The following GLI2 variants were observed in gnomAD, a reference collection of about 807,000 sequenced individuals.
The protein encoded by GLI2 is transcription activator GLI2.
A neutral mutation model predicts 78.9 loss-of-function variants in GLI2; 22 were observed. The ratio of observed to expected loss-of-function variants is 0.28; its 90% CI spans 0.20 to 0.40. The LOEUF is 0.40. Ranked by LOEUF, GLI2 falls within the 10% of genes least tolerant of loss-of-function variation. GLI2 has a pLI of 1.00. For missense variants in GLI2, 2,097 were observed against 2,213.2 expected (o/e 0.95, Z 1.05); for synonymous variants, 974 against 963.7 (o/e 1.01, Z -0.20).
intron 2 of GLI2, among the ~76,000 whole-genome samples, chr2:120,799,645 A>G (rs540168397): frequency 4.6e-5 from 7 of 152,320 alleles, no homozygotes; most frequent in African/African-American, 1.4e-4. Context: ...CCTGGGTCCC[A>G]GTTTTCCTAA....
At position 120,978,639 on chromosome 2, in the gene GLI2, G is replaced by A. The variant is rs1031839775; in HGVS notation, c.1467+56G>A. 25 of 1,587,290 alleles carry A rather than the reference G, an allele frequency of 1.6e-5. No individual in the cohort carries two copies. The Middle Eastern group carries it at 5.7e-4, about 36-fold the overall frequency. Reference sequence around the variant, plus strand: ...GCATCAAGACTGGCCTGTCAGCCAGGCCGGGGGGATCATGTTTGGAGGTGG... The same window carrying A: ...GCATCAAGACTGGCCTGTCAGCCAGACCGGGGGGATCATGTTTGGAGGTGG... On this transcript the variant is annotated intron_variant, in intron 10 of 13. Coordinates refer to ENST00000361492, the MANE Select transcript of GLI2 (RefSeq NM_001374353.1).
intron 1 of GLI2, 67 bp from the exon 2 acceptor site, chr2:120,797,224 T>C (rs569145171): frequency 1.6e-6 from 2 of 1,232,416 alleles, no homozygotes; most frequent in South Asian, 2.4e-5. Flanking sequence ...GCGGTGTGAA[T>C]CTGGGTCGGC....
rs57989930 is a variant in GLI2 at position 120,929,084 on chromosome 2, G to T, written c.254+1618G>T. ...ACCTTGGCAGTTTTAAAGAGTACTG[G>T]CCAGTTACTATATAAGATGTCTCTG... On this transcript the variant is annotated intron_variant, in intron 3 of 13. Coordinates refer to ENST00000361492, the MANE Select transcript of GLI2 (RefSeq NM_001374353.1). 7.9e-5 allele frequency among the ~76,000 whole-genome samples: 12 copies of T among 152,292 alleles called. No individual in the cohort carries two copies. In the East Asian group the frequency reaches 1.2e-3, roughly 15 times the overall value.
chr2:120,944,759 C>A (rs1477346924), intron 3 of GLI2, among the ~76,000 whole-genome samples: 1 of 152,218 alleles, frequency 6.6e-6, no homozygotes, highest in Non-Finnish European at 1.5e-5. Flanking sequence ...ACATGACTTC[C>A]TTGAGTCTCA....
chr2:120,868,412 C>A (rs1430008181), intron 2 of GLI2, among the ~76,000 whole-genome samples: 1 of 152,230 alleles, frequency 6.6e-6, no homozygotes, highest in Non-Finnish European at 1.5e-5. Context: ...TTCTTTGCAA[C>A]ATCTATCGAA....
intron 3 of GLI2, among the ~76,000 whole-genome samples, chr2:120,940,671 T>C (rs1295339698): frequency 6.6e-6 from 1 of 152,222 alleles, no homozygotes; most frequent in East Asian, 1.9e-4. Flanking sequence ...CAGTGTGAAC[T>C]ATGGGATTGA....
intron 2 of GLI2, among the ~76,000 whole-genome samples, chr2:120,902,417 G>A (rs1274245251): frequency 6.6e-6 from 1 of 152,182 alleles, no homozygotes; most frequent in Non-Finnish European, 1.5e-5. Context: ...CTCATCGGGT[G>A]TAGTGGGAGG....
In GLI2 at chr2:120,988,729, C is replaced by A. The variant is rs2105088105; in HGVS notation, c.2764C>A (p.Arg922Ser). 1.7e-6 allele frequency: 2 copies of A among 1,196,148 alleles called. No individual in the cohort carries two copies. Among genetic ancestry groups the A allele is most frequent in the East Asian group, 4.5e-5 (1 of 22,202 alleles). The allele number at this position is 1,196,148 out of a possible 1,614,324, so 74.1% of individuals were successfully genotyped here. A position where few individuals can be genotyped will look rare whatever the true frequency, so the allele number is the denominator to read the frequency against. ...CTGCCCACGCCCACTGGGGCCGCGG[C>A]GTGGCAGCGACGGGCCGACCTATGG... ...AGCPRPLGPR[R>S]GSDGPTYGHG... Residue 922 changes from arginine to serine, a missense_variant, in exon 14 of 14, where the codon CGT becomes AGT. Arg to Ser is a moderately radical substitution (Grantham distance 110). This residue lies in a region of GLI2 where 1,290 missense variants were observed against 1,261.7 expected (regional missense o/e 1.02). Coordinates refer to ENST00000361492, the MANE Select transcript of GLI2 (RefSeq NM_001374353.1).
rs569300720 is a variant in GLI2 at position 120,864,916 on chromosome 2, G to C, written c.149-62445G>C. Among the ~76,000 whole-genome samples, 373 of 152,306 alleles carry C rather than the reference G, an allele frequency of 2.4e-3. 4 individuals are homozygous for C. Among genetic ancestry groups the C allele is most frequent in the African/African-American group, 8.5e-3 (353 of 41,566 alleles). ...CAGGCTGCAGACACCTTGGGAAGGG[G>C]TCTCTCTGGAGATGGCCGTGGGGTC... is the stretch of plus-strand genomic sequence containing the variant. On this transcript the variant is annotated intron_variant, in intron 2 of 13. Coordinates refer to ENST00000361492, the MANE Select transcript of GLI2 (RefSeq NM_001374353.1).
chr2:120,963,135 G>C (rs572738758), intron 5 of GLI2, among the ~76,000 whole-genome samples: 1 of 152,178 alleles, frequency 6.6e-6, no homozygotes, highest in Non-Finnish European at 1.5e-5. Context: ...ATCTTTCCTA[G>C]ACTTGCTGCC....
intron 2 of GLI2, among the ~76,000 whole-genome samples, chr2:120,871,240 G>A (rs910665808): frequency 1.8e-4 from 27 of 152,244 alleles, no homozygotes; most frequent in African/African-American, 5.8e-4. Flanking sequence ...GTCCATAGGA[G>A]CCTCTTTATC....
chr2:120,988,864 G>A lies in GLI2; in HGVS notation c.2899G>A (p.Val967Met), dbSNP rs1283824297. Residue 967 changes from valine to methionine, a missense_variant, in exon 14 of 14, where the codon GTG becomes ATG. This residue lies in a region of GLI2 where 1,290 missense variants were observed against 1,261.7 expected (regional missense o/e 1.02). Transcript: ENST00000361492. The stretch of plus-strand genomic sequence containing the variant: ...GCCCGATGCCCTGTCCCTGCCGCGG[G>A]TGCAGCGCTTCCACAGCACCCACAA... ...RRPDALSLPR[V>M]QRFHSTHNVN... 1 of 1,497,084 alleles carries A rather than the reference G, an allele frequency of 6.7e-7. No homozygotes were observed. The highest frequency in any genetic ancestry group is 8.9e-7 in the Non-Finnish European group (1 of 1,125,528). 92.7% of individuals were successfully genotyped at this position (1,497,084 alleles called of 1,614,324 possible).
At chr2:120,987,991 T>C (rs189157037) in intron 13 of GLI2, among the ~76,000 whole-genome samples, 1 of 152,080 alleles carries the variant, frequency 6.6e-6, no homozygotes, top group East Asian at 1.9e-4. Context: ...TACTCCAGAG[T>C]CTGAGGAGGG....
chr2:120,886,369 G>A (rs927531280), intron 2 of GLI2, among the ~76,000 whole-genome samples: 1 of 152,062 alleles, frequency 6.6e-6, no homozygotes, highest in East Asian at 1.9e-4. Flanking sequence ...GGGCTTAAGC[G>A]ATTCTCCCAC....
At chr2:120,784,059 TG>T (rs1683923549) in intron 1 of GLI2, among the ~76,000 whole-genome samples, 1 of 152,164 alleles carries the variant, frequency 6.6e-6, no homozygotes, top group African/African-American at 2.4e-5. Context: ...TGGCAGCCAC[TG>T]GGGGACATGG....
At chr2:120,942,057 A>C (rs938765856) in intron 3 of GLI2, among the ~76,000 whole-genome samples, 2 of 152,192 alleles carry the variant, frequency 1.3e-5, no homozygotes, top group African/African-American at 4.8e-5. Flanking sequence ...AGCAATAAAT[A>C]GGAGCCCTGC....
chr2:120,773,926 CTT>C (rs1491482913), intron 1 of GLI2, among the ~76,000 whole-genome samples: 52 of 138,350 alleles, frequency 3.8e-4, no homozygotes, highest in African/African-American at 7.2e-4. Context: ...TCCTTCCTTC[CTT>C]CCTTCCCTCC....
rs570548458 is a variant in GLI2 at position 120,930,334 on chromosome 2, C to G, written c.254+2868C>G. 1.8e-4 allele frequency among the ~76,000 whole-genome samples: 27 copies of G among 152,352 alleles called. No individual in the cohort carries two copies. In the South Asian group the frequency reaches 3.7e-3, roughly 21 times the overall value. On this transcript the variant is annotated intron_variant, in intron 3 of 13. Transcript: ENST00000361492. ...TCTTCTCAACAACCCAAAAAAGAGT[C>G]ATTTTGTGTTTTTCCATTTTACAAA...
chr2:120,887,662 A>G (rs1573541760), intron 2 of GLI2, among the ~76,000 whole-genome samples: 1 of 152,248 alleles, frequency 6.6e-6, no homozygotes, highest in African/African-American at 2.4e-5. Flanking sequence ...CTTCTCCCAC[A>G]GAGGCCATTA....
Sources: allele counts gnomAD v4.1 joint callset (sites outside exome capture counted in the v4.1 genomes callset), GRCh38; gene constraint gnomAD v4.1.1; regional missense constraint gnomAD v4.1.1; transcripts MANE v1.5; gene names NCBI Gene and HGNC (gene_info 2026-07-23, HGNC 2026-07-21).